ERGIC1: variants seen among roughly 807,000 people sequenced by gnomAD.
ERGIC1 encodes endoplasmic reticulum-Golgi intermediate compartment protein 1.
Under a neutral mutation model 38.3 loss-of-function variants are expected in ERGIC1, and 19 were observed. The ratio of observed to expected loss-of-function variants is 0.50; its 90% CI spans 0.35 to 0.73. The LOEUF (loss-of-function observed/expected upper bound fraction) is 0.73. ERGIC1 is among the 30% of genes least tolerant of loss of function. The pLI, the probability that ERGIC1 is intolerant of heterozygous loss-of-function variation, is 0.01. For missense variants in ERGIC1, 294 were observed against 389.2 expected, an observed-to-expected ratio of 0.76 and a Z score of 2.06; for synonymous variants, 124 against 157.6, an observed-to-expected ratio of 0.79 and a Z score of 1.60.
In ERGIC1 at chr5:172,924,053, C is replaced by T; in HGVS notation, c.424C>T (p.Gln142Ter). The change falls in exon 6 of 10, where the codon CAG becomes TAG. Residue 142 changes from glutamine to a stop codon, truncating the protein, a stop_gained. Transcript: ENST00000393784. LOFTEE classifies it high-confidence loss of function. ...VSTHSATAQP[Q>*]NPDMTHVIHK... Reference sequence around the variant, plus strand: ...CACACACAGTGCCACAGCCCAGCCACAGAACCCAGACATGACGCATGTCAT... The same window carrying T: ...CACACACAGTGCCACAGCCCAGCCATAGAACCCAGACATGACGCATGTCAT... The T allele has an allele frequency of 6.2e-7, 1 of 1,614,250 alleles. No homozygotes were observed. Among genetic ancestry groups the T allele is most frequent in the Non-Finnish European group, 8.5e-7 (1 of 1,180,050 alleles).
intron 3 of ERGIC1, among the ~76,000 whole-genome samples, chr5:172,903,578 T>C (rs920605795): frequency 2.0e-5 from 3 of 152,144 alleles, no homozygotes; most frequent in African/African-American, 4.8e-5. Context: ...GAAGGGAGAA[T>C]AGTACCCTTA....
At chr5:172,877,703 A>G (rs1051812788) in intron 1 of ERGIC1, among the ~76,000 whole-genome samples, 60 of 152,120 alleles carry the variant, frequency 3.9e-4, no homozygotes, top group African/African-American at 1.3e-3. Context: ...CCTCTGCGTT[A>G]TGGGTGATCT....
intron 1 of ERGIC1, among the ~76,000 whole-genome samples, chr5:172,843,128 A>T (rs1231912250): frequency 1.3e-5 from 2 of 152,246 alleles, no homozygotes; most frequent in East Asian, 3.8e-4. Context: ...CCTGGGTGAC[A>T]GAGTGAAACT....
intron 3 of ERGIC1, among the ~76,000 whole-genome samples, chr5:172,903,049 C>T (rs552901428): frequency 3.4e-4 from 52 of 152,030 alleles, no homozygotes; most frequent in African/African-American, 1.2e-3. Context: ...CACCCTCCCA[C>T]GCACTCGCCT....
At chr5:172,913,423 C>T (rs951520758) in intron 4 of ERGIC1, among the ~76,000 whole-genome samples, 1 of 152,250 alleles carries the variant, frequency 6.6e-6, no homozygotes, top group Non-Finnish European at 1.5e-5. Context: ...TGTGTTTTCT[C>T]TAAACTTCAC....
At chr5:172,899,220 A>G (rs1001267082) in intron 3 of ERGIC1, among the ~76,000 whole-genome samples, 1 of 152,080 alleles carries the variant, frequency 6.6e-6, no homozygotes, top group Non-Finnish European at 1.5e-5. Context: ...AGCCAGGTCA[A>G]AGTGAGCAAG....
chr5:172,882,175 C>G (rs1762300416), intron 1 of ERGIC1, among the ~76,000 whole-genome samples: 1 of 152,168 alleles, frequency 6.6e-6, no homozygotes, highest in Non-Finnish European at 1.5e-5. Context: ...GGAATGGAGT[C>G]AGTATTACAG....
chr5:172,913,748 T>C (rs1040890649), intron 4 of ERGIC1, among the ~76,000 whole-genome samples: 1 of 152,200 alleles, frequency 6.6e-6, no homozygotes, highest in African/African-American at 2.4e-5. Context: ...CTGCCCATTT[T>C]ACAGATGGGG....
intron 8 of ERGIC1, 114 bp from the exon 9 acceptor site, chr5:172,935,074 G>A: frequency 1.3e-6 from 2 of 1,483,160 alleles, no homozygotes; most frequent in Non-Finnish European, 1.9e-6. Context: ...GCTTCGTGGG[G>A]CAGAGAGGGA....
rs73325199 is a variant in ERGIC1 at position 172,909,656 on chromosome 5, C to T, written c.156-11C>T. ...TCTCAACAAAGGTTCCTATACTTGT[C>T]TTTCCCCTAGTGTGAACGAGCTCTA... On this transcript the variant is annotated splice_polypyrimidine_tract_variant and intron_variant, in intron 3 of 9. Transcript: ENST00000393784. 10 of 1,613,670 alleles carry T rather than the reference C, an allele frequency of 6.2e-6. No individual in the cohort carries two copies. Among genetic ancestry groups the T allele is most frequent in the Non-Finnish European group, 8.5e-6 (10 of 1,179,662 alleles).
chr5:172,836,860 A>G (rs1243533951), intron 1 of ERGIC1, among the ~76,000 whole-genome samples: 1 of 152,166 alleles, frequency 6.6e-6, no homozygotes, highest in Non-Finnish European at 1.5e-5. Context: ...CACCTGAGAG[A>G]GGGAGTTTTA....
Position 172,834,486 on chromosome 5 carries a change from C to G in ERGIC1, c.20+53C>G. On this transcript the variant is annotated intron_variant, in intron 1 of 9. Transcript: ENST00000393784. The surrounding 1 kb of genome is among the most constrained non-coding windows in gnomAD (Gnocchi z 4.1). Reference sequence around the variant, plus strand: ...GAGTTCCCTCAGCGGGCAGAGGGAGCGCCCCGGCACGCCGCGGACCCCTCC... The same window carrying G: ...GAGTTCCCTCAGCGGGCAGAGGGAGGGCCCCGGCACGCCGCGGACCCCTCC... The G allele has an allele frequency of 8.6e-6, 11 of 1,274,372 alleles. No individual in the cohort carries two copies. Among genetic ancestry groups the G allele is most frequent in the Non-Finnish European group, 1.1e-5 (11 of 1,007,482 alleles). 78.9% of individuals were successfully genotyped at this position (1,274,372 alleles called of 1,614,324 possible).
intron 7 of ERGIC1, among the ~76,000 whole-genome samples, chr5:172,929,360 G>A (rs1337002403): frequency 6.6e-6 from 1 of 152,160 alleles, no homozygotes; most frequent in Admixed American, 6.5e-5. Flanking sequence ...GAATTTTTCT[G>A]TAAGAAGATT....
intron 1 of ERGIC1, among the ~76,000 whole-genome samples, chr5:172,851,620 G>T (rs551441279): frequency 3.9e-5 from 6 of 152,336 alleles, no homozygotes; most frequent in Non-Finnish European, 5.9e-5. Context: ...TAAAGCGGGA[G>T]ATGTGAGAGC....
intron 1 of ERGIC1, among the ~76,000 whole-genome samples, chr5:172,835,742 A>G (rs917363080): frequency 7.2e-5 from 11 of 152,154 alleles, no homozygotes; most frequent in African/African-American, 1.4e-4. Context: ...GGACCTCTTG[A>G]TTGGTTGACA....
chr5:172,853,701 G>A (rs1162199020), intron 1 of ERGIC1, among the ~76,000 whole-genome samples: 3 of 152,250 alleles, frequency 2.0e-5, no homozygotes. Context: ...AGAGTGGGAA[G>A]CAGAAGCAGG....
chr5:172,894,195 C>A, intron 2 of ERGIC1, among the ~76,000 whole-genome samples: 2 of 35,742 alleles, frequency 5.6e-5, no homozygotes, highest in South Asian at 1.5e-3. Flanking sequence ...ACAACTTTTT[C>A]TTTTTTTTTT....
chr5:172,921,266 C>T (rs745551566), intron 5 of ERGIC1, among the ~76,000 whole-genome samples: 3 of 152,224 alleles, frequency 2.0e-5, no homozygotes, highest in South Asian at 2.1e-4. Context: ...TCAGAGCAAC[C>T]GCTCTACTAT....
intron 1 of ERGIC1, among the ~76,000 whole-genome samples, chr5:172,841,639 C>A (rs1165943560): frequency 6.6e-6 from 1 of 152,156 alleles, no homozygotes; most frequent in Non-Finnish European, 1.5e-5. Flanking sequence ...TGTGATAGCC[C>A]CTCCATGCAT....
Sources: allele counts gnomAD v4.1 joint callset (sites outside exome capture counted in the v4.1 genomes callset), GRCh38; gene constraint gnomAD v4.1.1; non-coding constraint Gnocchi (gnomAD v3.1); transcripts MANE v1.5; gene names NCBI Gene and HGNC (gene_info 2026-07-23, HGNC 2026-07-21).